The following NRG1 variants were observed in gnomAD, a reference collection of about 807,000 sequenced individuals.
NRG1 encodes the protein neuregulin 1, also known as pro-neuregulin-1, membrane-bound isoform.
A neutral mutation model predicts 63.8 loss-of-function variants in NRG1; 18 were observed. The ratio of observed to expected loss-of-function variants is 0.28; its 90% CI spans 0.19 to 0.42. The LOEUF (loss-of-function observed/expected upper bound fraction) is 0.42, where lower values mean the gene tolerates loss of function less well. Ranked by LOEUF, NRG1 falls within the 10% of genes least tolerant of loss-of-function variation. The probability of loss-of-function intolerance (pLI) is 1.00; values close to 1 mark genes in which losing one functional copy is unlikely to be tolerated. For missense variants in NRG1, 762 were observed against 814.7 expected (o/e 0.94, Z 0.79); for synonymous variants, 302 against 301.3 (o/e 1.00, Z -0.02).
intron 1 of NRG1, among the ~76,000 whole-genome samples, chr8:31,730,862 A>G (rs1296003092): frequency 6.6e-6 from 1 of 152,232 alleles, no homozygotes; most frequent in Non-Finnish European, 1.5e-5. Flanking sequence ...TGGAACATGT[A>G]TTCTAAACAT....
intron 1 of NRG1, among the ~76,000 whole-genome samples, chr8:31,869,593 A>T (rs535881914): frequency 9.6e-4 from 146 of 152,354 alleles, no homozygotes; most frequent in Middle Eastern, 3.4e-3. Flanking sequence ...GCCTGGTCCC[A>T]TTAAGCTCTT....
rs146236222 is a variant in NRG1, at chr8:31,843,829, A to T, written c.37+204398A>T. Among the ~76,000 whole-genome samples, 1,788 of 152,272 alleles carry T rather than the reference A, an allele frequency of 0.012. 59 individuals carry two copies. The South Asian group carries it at 0.13, about 11-fold the overall frequency. On this transcript the variant is annotated intron_variant, in intron 1 of 10. Transcript: ENST00000519301. ...TGTGTGTGAATAGGCTATGGGGAAA[A>T]AAAGGTTCATTTTTGTTTGAGTTTT...
At chr8:31,822,910 C>T (rs1484452073) in intron 1 of NRG1, among the ~76,000 whole-genome samples, 1 of 152,088 alleles carries the variant, frequency 6.6e-6, no homozygotes, top group Non-Finnish European at 1.5e-5. Flanking sequence ...AAGAAGCCAA[C>T]AGAGGAGGCC....
chr8:32,680,450 C>A (rs1808306242), intron 5 of NRG1, among the ~76,000 whole-genome samples: 1 of 152,078 alleles, frequency 6.6e-6, no homozygotes, highest in African/African-American at 2.4e-5. Flanking sequence ...ATTCTGTATG[C>A]AACTTAAATA....
At chr8:32,663,261 A>G (rs1481864958) in intron 5 of NRG1, among the ~76,000 whole-genome samples, 1 of 152,166 alleles carries the variant, frequency 6.6e-6, no homozygotes, top group East Asian at 1.9e-4. Flanking sequence ...AAGTCTACTC[A>G]TCTTAGAAAT....
chr8:31,665,261 T>TTA (rs1383610856), intron 1 of NRG1, among the ~76,000 whole-genome samples: 1 of 152,174 alleles, frequency 6.6e-6, no homozygotes, highest in Admixed American at 6.5e-5. Context: ...ACAGGACAAG[T>TTA]TATAGCTGAA....
chr8:31,812,560 C>T (rs1254527208), intron 1 of NRG1, among the ~76,000 whole-genome samples: 2 of 151,544 alleles, frequency 1.3e-5, no homozygotes, highest in African/African-American at 2.4e-5. Flanking sequence ...TTTCTTCCTT[C>T]CTCCTTCCCT....
intron 1 of NRG1, among the ~76,000 whole-genome samples, chr8:31,931,671 C>T (rs541436669): frequency 6.6e-6 from 1 of 152,258 alleles, no homozygotes; most frequent in South Asian, 2.1e-4. Flanking sequence ...TGTGCCCCAA[C>T]TTGTGAAAGA....
In NRG1 at chr8:32,510,481, T is replaced by G. The variant is rs192186975; in HGVS notation, c.38-85347T>G. On this transcript the variant is annotated intron_variant, in intron 1 of 10. Coordinates refer to the NRG1 transcript ENST00000519301. ...GAGAAGGTGAGAAGATGAAGACCTGTTTTCTACTTTTTTGGGCAGCACTGC... is the reference window on the plus strand; with the variant it reads ...GAGAAGGTGAGAAGATGAAGACCTGGTTTCTACTTTTTTGGGCAGCACTGC... Among the ~76,000 whole-genome samples the G allele has an allele frequency of 1.1e-4, 16 of 152,120 alleles. No homozygotes were observed. In the East Asian group the frequency reaches 3.1e-3, roughly 30 times the overall value.
Position 32,536,922 on chromosome 8 carries a change from C to CAAAAAAAAAAAAAAAAAAA in NRG1, c.38-58897_38-58879dup, listed in dbSNP as rs35265022. Among the ~76,000 whole-genome samples, 11 of 35,912 alleles carry CAAAAAAAAAAAAAAAAAAA rather than the reference C, an allele frequency of 3.1e-4. 1 individual carries two copies. Among genetic ancestry groups the CAAAAAAAAAAAAAAAAAAA allele is most frequent in the African/African-American group, 1.6e-3 (11 of 6,858 alleles). The allele number at this position is 35,912 out of a possible 152,430, so 23.6% of individuals were successfully genotyped here. ...TGGGCGATGGAGCAAGACTCCGTCT[C>CAAAAAAAAAAAAAAAAAAA]AAAAAAAAAAAAAAAAAAAAAAAAA... On this transcript the variant is annotated intron_variant, in intron 1 of 10. Transcript: ENST00000519301.
exon 12 of NRG1, chr8:32,763,781 G>A: frequency 6.4e-7 from 1 of 1,573,000 alleles, no homozygotes; most frequent in African/African-American, 1.4e-5. Context: ...CGGCTCGTAT[G>A]TCACCTGTAG....
chr8:32,046,124 G>T (rs1820954602), intron 1 of NRG1, among the ~76,000 whole-genome samples: 1 of 99,098 alleles, frequency 1.0e-5, no homozygotes, highest in African/African-American at 3.2e-5. Context: ...CGATTTAAAA[G>T]TGGGCAAAAG....
chr8:32,057,366 T>C (rs1244562600), intron 1 of NRG1, among the ~76,000 whole-genome samples: 4 of 152,198 alleles, frequency 2.6e-5, no homozygotes, highest in Non-Finnish European at 5.9e-5. Flanking sequence ...CCTGGTGCGT[T>C]GCATTGAGTT....
At chr8:32,418,409 A>G (rs1164463783) in intron 1 of NRG1, among the ~76,000 whole-genome samples, 1 of 151,796 alleles carries the variant, frequency 6.6e-6, no homozygotes, top group Non-Finnish European at 1.5e-5. Context: ...TTTTATATAC[A>G]TAGAACATTG....
chr8:32,496,263 T>G (rs1040009808), intron 1 of NRG1, among the ~76,000 whole-genome samples: 4 of 152,198 alleles, frequency 2.6e-5, no homozygotes, highest in Admixed American at 2.6e-4. Context: ...CTGGGTTGAC[T>G]ACCAGAGAAA....
chr8:32,448,987 G>A (rs868814377), intron 1 of NRG1, among the ~76,000 whole-genome samples: 1 of 152,010 alleles, frequency 6.6e-6, no homozygotes, highest in Non-Finnish European at 1.5e-5. Context: ...GGAGGAAAGC[G>A]GTGTTTAAAA....
At chr8:31,891,581 A>T (rs113835375) in intron 1 of NRG1, among the ~76,000 whole-genome samples, 1 of 152,168 alleles carries the variant, frequency 6.6e-6, no homozygotes, top group Non-Finnish European at 1.5e-5. Context: ...AAAGAGTTCA[A>T]TTTCATAAAT....
At chr8:32,085,934 G>T (rs2131207210) in intron 1 of NRG1, among the ~76,000 whole-genome samples, 1 of 152,296 alleles carries the variant, frequency 6.6e-6, no homozygotes, top group East Asian at 1.9e-4. Flanking sequence ...TACTTGATGT[G>T]CCTATGCTTT....
intron 1 of NRG1, among the ~76,000 whole-genome samples, chr8:32,012,463 G>T (rs967496588): frequency 6.6e-6 from 1 of 152,064 alleles, no homozygotes; most frequent in Non-Finnish European, 1.5e-5. Flanking sequence ...ATCAGGAGAG[G>T]ATAGGAGAGA....
Sources: gnomAD v4.1 joint callset for allele counts (sites outside exome capture counted in the v4.1 genomes callset) on GRCh38, gnomAD v4.1.1 for gene constraint, MANE v1.5 for transcripts, NCBI Gene and HGNC (gene_info 2026-07-23, HGNC 2026-07-21) for gene names.